SULT2B1: variants seen among roughly 807,000 people sequenced by gnomAD.
SULT2B1 encodes sulfotransferase 2B1.
In SULT2B1, 16 loss-of-function variants were observed where a neutral mutation model predicts 33.2. The ratio of observed to expected loss-of-function variants is 0.48; its 90% CI spans 0.33 to 0.73. The LOEUF (loss-of-function observed/expected upper bound fraction) is 0.73. Ranked by LOEUF, SULT2B1 falls within the 30% of genes least tolerant of loss-of-function variation. The probability of loss-of-function intolerance (pLI) is 0.02; values close to 1 mark genes in which losing one functional copy is unlikely to be tolerated. For synonymous variants in SULT2B1, 186 were observed against 200.5 expected (o/e 0.93, Z 0.61); for missense variants, 500 against 506.0 (o/e 0.99, Z 0.11).
intron 1 of SULT2B1, among the ~76,000 whole-genome samples, chr19:48,564,571 A>G (rs1346617129): frequency 2.7e-5 from 4 of 150,844 alleles, no homozygotes; most frequent in Non-Finnish European, 3.0e-5. Flanking sequence ...AAAAAAAAAA[A>G]AAAAGAAAGA....
chr19:48,563,745 A>C (rs964838686), intron 1 of SULT2B1, among the ~76,000 whole-genome samples: 5 of 152,066 alleles, frequency 3.3e-5, no homozygotes, highest in Non-Finnish European at 7.4e-5. Context: ...TGGGTGGATC[A>C]CTTGAGGCCA....
At chr19:48,560,324 G>A (rs1487972313) in intron 1 of SULT2B1, among the ~76,000 whole-genome samples, 1 of 152,138 alleles carries the variant, frequency 6.6e-6, no homozygotes, top group East Asian at 1.9e-4. Flanking sequence ...AGCTCACTGA[G>A]TCTTCACAAC....
chr19:48,558,352 G>A (rs567900217), intron 1 of SULT2B1, among the ~76,000 whole-genome samples: 1 of 152,148 alleles, frequency 6.6e-6, no homozygotes, highest in African/African-American at 2.4e-5. Context: ...GGCGCTCTGC[G>A]GTTCCAGGCG....
At chr19:48,555,850 C>T (rs1973094021) in intron 1 of SULT2B1, among the ~76,000 whole-genome samples, 2 of 151,894 alleles carry the variant, frequency 1.3e-5, no homozygotes, top group South Asian at 2.1e-4. Context: ...AGCGATTCTT[C>T]TGCCTCAGCC....
At chr19:48,553,902 G>A (rs1207968901) in intron 1 of SULT2B1, among the ~76,000 whole-genome samples, 4 of 152,160 alleles carry the variant, frequency 2.6e-5, no homozygotes, top group East Asian at 1.9e-4. Flanking sequence ...AAACAGATAA[G>A]CCAGCTCGCC....
At position 48,576,359 on chromosome 19, in the gene SULT2B1, C is replaced by CTTTTCTTTCTTTTTTTTTTTTTTTTTTTT; in HGVS notation, c.214+280_214+281insCTTTCTTTTTTTTTTTTTTTTTTTTTTTT. On this transcript the variant is annotated intron_variant, in intron 2 of 6. Coordinates refer to ENST00000201586, the MANE Select transcript of SULT2B1 (RefSeq NM_177973.2). Reference sequence around the variant, plus strand: ...CCTTTCCCCTTTACCCTCTACTTCTCTTTTTTTTTTTTTTTTTTGTAGAGA... The same window carrying CTTTTCTTTCTTTTTTTTTTTTTTTTTTTT: ...CCTTTCCCCTTTACCCTCTACTTCTCTTTTCTTTCTTTTTTTTTTTTTTTTTTTTTTTTTTTTTTTTTTTTTTGTAGAGA... Among the ~76,000 whole-genome samples the CTTTTCTTTCTTTTTTTTTTTTTTTTTTTT allele has an allele frequency of 4.6e-3, 449 of 96,604 alleles. 58 individuals are homozygous for CTTTTCTTTCTTTTTTTTTTTTTTTTTTTT. Among genetic ancestry groups the CTTTTCTTTCTTTTTTTTTTTTTTTTTTTT allele is most frequent in the Non-Finnish European group, 5.6e-3 (290 of 51,926 alleles). The allele number at this position is 96,604 out of a possible 152,430, so 63.4% of individuals were successfully genotyped here. A position where few individuals can be genotyped will look rare whatever the true frequency, so the allele number is the denominator to read the frequency against.
chr19:48,572,499 G>A (rs1973344429), intron 1 of SULT2B1, among the ~76,000 whole-genome samples: 2 of 143,298 alleles, frequency 1.4e-5, no homozygotes, highest in Non-Finnish European at 3.1e-5. Flanking sequence ...GGGCAACAGA[G>A]CAAGACTCCA....
At chr19:48,576,354 C>CTTTTTTTTT (rs879507532) in intron 2 of SULT2B1, among the ~76,000 whole-genome samples, 6,860 of 78,958 alleles carry the variant, frequency 0.087, 1,465 homozygotes, top group South Asian at 0.14. Context: ...TTACCCTCTA[C>CTTTTTTTTT]TTCTCTTTTT....
intron 1 of SULT2B1, chr19:48,575,471 T>A (rs1236629106): frequency 7.5e-5 from 11 of 147,644 alleles, no homozygotes; most frequent in African/African-American, 2.7e-4. Flanking sequence ...AAAATATATA[T>A]ATATATATAT....
intron 1 of SULT2B1, among the ~76,000 whole-genome samples, chr19:48,562,019 G>A (rs1399000328): frequency 6.6e-6 from 1 of 152,174 alleles, no homozygotes; most frequent in African/African-American, 2.4e-5. Context: ...GGAGGCCAAG[G>A]CAGGAGGATC....
chr19:48,577,202 C>CT (rs1269361519), intron 2 of SULT2B1, among the ~76,000 whole-genome samples: 1 of 149,232 alleles, frequency 6.7e-6, no homozygotes, highest in African/African-American at 2.5e-5. Flanking sequence ...GCGGCTACTT[C>CT]TTTTTATTTT....
intron 1 of SULT2B1, among the ~76,000 whole-genome samples, chr19:48,572,564 G>A (rs1973345630): frequency 1.3e-5 from 2 of 151,766 alleles, no homozygotes; most frequent in Non-Finnish European, 2.9e-5. Flanking sequence ...CGAGGTGGAA[G>A]GAGGAGATGG....
rs1463767203 is a variant in SULT2B1 at position 48,575,851 on chromosome 19, T to C, written c.72-90T>C. 8 of 1,538,006 alleles carry C rather than the reference T, an allele frequency of 5.2e-6. No homozygotes were observed. The East Asian group carries it at 1.6e-4, about 31-fold the overall frequency. ...GGGACTGAGGCTCTGAGGAGGAAGT[T>C]CCTTGCCAGGGTCCGAGTGTCGCCA... On this transcript the variant is annotated intron_variant, in intron 1 of 6. Transcript: ENST00000201586.
rs1462404474 is a variant in SULT2B1 at position 48,596,852 on chromosome 19, C to T, written c.759C>T (p.Thr253=). 1 of 1,609,386 alleles carries T rather than the reference C, an allele frequency of 6.2e-7. No homozygotes were observed. Among genetic ancestry groups the T allele is most frequent in the African/African-American group, 1.3e-5 (1 of 74,942 alleles). The part of the protein sequence containing the change: ...HSTFSAMKAN[T]MSNYTLLPPS... The stretch of plus-strand genomic sequence containing the variant: ...CCTTCAGCGCCATGAAGGCCAACAC[C>T]ATGTCCAACTACACGCTGCTGCCTC... The change falls in exon 6 of 7, where the codon ACC becomes ACT. Residue 253 remains threonine (T), a synonymous_variant. Coordinates refer to ENST00000201586, the MANE Select transcript of SULT2B1 (RefSeq NM_177973.2).
chr19:48,558,352 G>T (rs567900217), intron 1 of SULT2B1, among the ~76,000 whole-genome samples: 4 of 152,266 alleles, frequency 2.6e-5, no homozygotes, highest in Admixed American at 2.0e-4. Context: ...GGCGCTCTGC[G>T]GTTCCAGGCG....
rs1388927103 is a variant in SULT2B1 at position 48,552,615 on chromosome 19, G to A, written c.71+292G>A. 6.6e-6 allele frequency among the ~76,000 whole-genome samples: 1 copy of A among 152,198 alleles called. No individual in the cohort carries two copies. The highest frequency in any genetic ancestry group is 1.5e-5 in the Non-Finnish European group (1 of 68,024). ...TGTCAAAGGGGCCCACAAGCCCTGT[G>A]TCTCCCTGATAGAGCAGTGGAAGAG... On this transcript the variant is annotated intron_variant, in intron 1 of 6. Transcript: ENST00000201586. This position sits in a 1 kb window ranked among gnomAD's most constrained non-coding sequence, Gnocchi z 4.8.
At chr19:48,579,829 A>G (rs1278917579) in intron 2 of SULT2B1, among the ~76,000 whole-genome samples, 1 of 145,588 alleles carries the variant, frequency 6.9e-6, no homozygotes, top group Non-Finnish European at 1.5e-5. Context: ...CTGGTCTCGA[A>G]CTCCTGACCT....
chr19:48,597,404 C>CGTGATCTCGGCTCACT (rs1973733919), intron 6 of SULT2B1, among the ~76,000 whole-genome samples: 1 of 142,536 alleles, frequency 7.0e-6, no homozygotes, highest in Non-Finnish European at 1.5e-5. Flanking sequence ...GTTGCAGTGG[C>CGTGATCTCGGCTCACT]GCGATCTCGG....
rs59742141 is a variant in SULT2B1, at chr19:48,582,989, C to CAA, written c.215-4229_215-4228dup. 8.1e-4 allele frequency among the ~76,000 whole-genome samples: 101 copies of CAA among 124,100 alleles called. 3 individuals carry two copies. Among genetic ancestry groups the CAA allele is most frequent in the Middle Eastern group, 4.2e-3 (1 of 238 alleles). 81.4% of individuals were successfully genotyped at this position (124,100 alleles called of 152,430 possible). A position where few individuals can be genotyped will look rare whatever the true frequency, so the allele number is the denominator to read the frequency against. Reference sequence around the variant, plus strand: ...GCAACATGGCAAAATCCTATCTCTACAAAAAAAAAAAATTAGCCAGGCGTG... The same window carrying CAA: ...GCAACATGGCAAAATCCTATCTCTACAAAAAAAAAAAAAATTAGCCAGGCGTG... On this transcript the variant is annotated intron_variant, in intron 2 of 6. Coordinates refer to ENST00000201586, the MANE Select transcript of SULT2B1 (RefSeq NM_177973.2).
Sources: allele counts gnomAD v4.1 joint callset (sites outside exome capture counted in the v4.1 genomes callset), GRCh38; gene constraint gnomAD v4.1.1; non-coding constraint Gnocchi (gnomAD v3.1); transcripts MANE v1.5; gene names NCBI Gene and HGNC (gene_info 2026-07-23, HGNC 2026-07-21).